The following CDH13 variants were observed in gnomAD, a reference collection of about 807,000 sequenced individuals.
The protein encoded by CDH13 is cadherin 13.
Under a neutral mutation model 63.8 loss-of-function variants are expected in CDH13, and 24 were observed. The ratio of observed to expected loss-of-function variants is 0.38; its 90% CI spans 0.27 to 0.53. CDH13 has a LOEUF of 0.53. Ranked by LOEUF, CDH13 falls within the 20% of genes least tolerant of loss-of-function variation. CDH13 has a pLI of 0.85. For missense variants in CDH13, 1,049 were observed against 903.1 expected, an observed-to-expected ratio of 1.16 and a Z score of -2.07; for synonymous variants, 503 against 355.3, an observed-to-expected ratio of 1.42 and a Z score of -4.67.
chr16:82,997,821 T>A (rs1912413983), intron 2 of CDH13, among the ~76,000 whole-genome samples: 1 of 152,188 alleles, frequency 6.6e-6, no homozygotes, highest in African/African-American at 2.4e-5. Flanking sequence ...CTGGGCTATT[T>A]TTAAATGGTA....
chr16:83,754,406 C>T (rs376178), intron 11 of CDH13, among the ~76,000 whole-genome samples: 39,361 of 152,026 alleles, frequency 0.26, 5,682 homozygotes, highest in Non-Finnish European at 0.34. Flanking sequence ...CAGAAGTTGA[C>T]TCAGTCTTGT....
At chr16:82,961,572 T>TAAAAAAAAA (rs71376305) in intron 2 of CDH13, among the ~76,000 whole-genome samples, 3 of 103,388 alleles carry the variant, frequency 2.9e-5, no homozygotes, top group African/African-American at 1.2e-4. Flanking sequence ...GCAGGGGACT[T>TAAAAAAAAA]AAAAAAAAAA....
intron 4 of CDH13, among the ~76,000 whole-genome samples, chr16:83,148,300 G>T (rs2036837004): frequency 6.6e-6 from 1 of 152,144 alleles, no homozygotes; most frequent in South Asian, 2.1e-4. Flanking sequence ...AGACAACATG[G>T]GTGGTACCAT....
chr16:83,505,651 C>A (rs1421402227), intron 7 of CDH13, among the ~76,000 whole-genome samples: 1 of 146,018 alleles, frequency 6.8e-6, no homozygotes, highest in Non-Finnish European at 1.5e-5. Flanking sequence ...TCAAGCGATT[C>A]TCCTGCCTCA....
intron 1 of CDH13, among the ~76,000 whole-genome samples, chr16:82,850,743 A>G (rs1597797272): frequency 6.6e-6 from 1 of 152,158 alleles, no homozygotes; most frequent in Admixed American, 6.5e-5. Flanking sequence ...AACCTTCACA[A>G]CCGCCACCCT....
At chr16:83,522,226 T>G (rs2074854997) in intron 7 of CDH13, among the ~76,000 whole-genome samples, 2 of 152,324 alleles carry the variant, frequency 1.3e-5, no homozygotes, top group Admixed American at 6.5e-5. Flanking sequence ...TGAATCTTTA[T>G]GGAAAGGCCA....
chr16:83,129,557 A>G (rs553793174), intron 4 of CDH13, among the ~76,000 whole-genome samples: 2 of 152,158 alleles, frequency 1.3e-5, no homozygotes, highest in Non-Finnish European at 2.9e-5. Flanking sequence ...GGTGTGGAAC[A>G]CACTGTCAGC....
intron 1 of CDH13, among the ~76,000 whole-genome samples, chr16:82,803,432 T>C (rs1278698808): frequency 6.6e-6 from 1 of 152,012 alleles, no homozygotes; most frequent in Non-Finnish European, 1.5e-5. Flanking sequence ...ACAATGATTA[T>C]TTAGAATCTC....
chr16:82,694,201 CT>C (rs1328566052), intron 1 of CDH13, among the ~76,000 whole-genome samples: 4 of 152,144 alleles, frequency 2.6e-5, no homozygotes, highest in African/African-American at 9.7e-5. Flanking sequence ...GATATGGATA[CT>C]TTTATAGAAG....
At chr16:83,299,028 AC>A (rs1351564330) in intron 5 of CDH13, among the ~76,000 whole-genome samples, 1 of 152,202 alleles carries the variant, frequency 6.6e-6, no homozygotes, top group Non-Finnish European at 1.5e-5. Flanking sequence ...CAATATTCCT[AC>A]CACCAAAAGA....
chr16:83,616,028 T>A (rs1427177927), intron 8 of CDH13, among the ~76,000 whole-genome samples: 1 of 152,152 alleles, frequency 6.6e-6, no homozygotes, highest in African/African-American at 2.4e-5. Context: ...CGCTGAATGT[T>A]TTTGAATAAA....
In CDH13 at chr16:83,795,330, C is replaced by A; in HGVS notation, c.*300C>A. ...ATGACTACTTTTTCTGGTGTGTTAA[C>A]ATGTCGCTAGCCAGTGCTCCAGGCA... On this transcript the variant is annotated 3_prime_UTR_variant, in exon 14 of 14. Transcript: ENST00000567109. 1 of 400,394 alleles carries A rather than the reference C, an allele frequency of 2.5e-6. No homozygotes were observed. The highest frequency in any genetic ancestry group is 4.5e-6 in the Non-Finnish European group (1 of 220,342). The allele number at this position is 400,394 out of a possible 1,614,324, so 24.8% of individuals were successfully genotyped here.
At chr16:83,503,124 T>G (rs1221596325) in intron 7 of CDH13, among the ~76,000 whole-genome samples, 1 of 152,230 alleles carries the variant, frequency 6.6e-6, no homozygotes, top group Non-Finnish European at 1.5e-5. Context: ...TTGGTAAGAA[T>G]GTTCACATCA....
At chr16:83,230,880 T>C (rs11640568) in intron 5 of CDH13, among the ~76,000 whole-genome samples, 14,115 of 152,296 alleles carry the variant, frequency 0.093, 892 homozygotes, top group Admixed American at 0.12. Context: ...CCAGGAAATC[T>C]GGGCCCTAAG....
Position 83,439,091 on chromosome 16 carries a change from C to T in CDH13, c.782-47386C>T, listed in dbSNP as rs2072407725. Among the ~76,000 whole-genome samples, 4 of 152,166 alleles carry T rather than the reference C, an allele frequency of 2.6e-5. No homozygotes were observed. The South Asian group carries it at 8.3e-4, about 32-fold the overall frequency. On this transcript the variant is annotated intron_variant, in intron 6 of 13. Transcript: ENST00000567109. ...TTTAAACTGCAGCTTCTTCCAATAG[C>T]TATGTGATCTTGGAAAGTTACTTCT...
intron 11 of CDH13, among the ~76,000 whole-genome samples, chr16:83,771,405 A>G (rs1914751726): frequency 6.6e-6 from 1 of 152,182 alleles, no homozygotes; most frequent in African/African-American, 2.4e-5. Flanking sequence ...ATGTGGTCCT[A>G]TCGTGGTCAT....
At chr16:83,652,824 T>C (rs993277050) in intron 8 of CDH13, among the ~76,000 whole-genome samples, 3 of 152,144 alleles carry the variant, frequency 2.0e-5, no homozygotes, top group African/African-American at 7.2e-5. Flanking sequence ...AATGAAGGCA[T>C]AAGTCCTCCC....
intron 1 of CDH13, among the ~76,000 whole-genome samples, chr16:82,694,820 A>T (rs1039627897): frequency 1.3e-5 from 2 of 152,226 alleles, no homozygotes; most frequent in Admixed American, 6.5e-5. Flanking sequence ...GACTATGCCT[A>T]CTTGTAAAGT....
At chr16:83,073,022 C>T (rs768323947) in intron 3 of CDH13, among the ~76,000 whole-genome samples, 1 of 152,150 alleles carries the variant, frequency 6.6e-6, no homozygotes, top group Non-Finnish European at 1.5e-5. Flanking sequence ...CAAATGGTAA[C>T]GATGTGAAGG....
Sources: gnomAD v4.1 joint callset for allele counts (sites outside exome capture counted in the v4.1 genomes callset) on GRCh38, gnomAD v4.1.1 for gene constraint, MANE v1.5 for transcripts, NCBI Gene and HGNC (gene_info 2026-07-23, HGNC 2026-07-21) for gene names.